Variants in MLLT3 observed in about 807,000 individuals in gnomAD.
MLLT3 encodes the protein MLLT3 super elongation complex subunit.
MLLT3 carries 4 observed loss-of-function variants against 53.2 expected under a neutral mutation model. The ratio of observed to expected loss-of-function variants is 0.08; its 90% CI spans 0.04 to 0.17. The LOEUF (loss-of-function observed/expected upper bound fraction) is 0.17. MLLT3 is among the 10% of genes least tolerant of loss of function. MLLT3 has a pLI of 1.00. For synonymous variants in MLLT3, 283 were observed against 230.6 expected (o/e 1.23, Z -2.06); for missense variants, 569 against 684.0 (o/e 0.83, Z 1.87).
intron 4 of MLLT3, among the ~76,000 whole-genome samples, chr9:20,420,075 A>T (rs573607501): frequency 2.6e-5 from 4 of 151,068 alleles, no homozygotes; most frequent in Admixed American, 2.6e-4. Flanking sequence ...TGGAATAAAA[A>T]TTGGATTATG....
At chr9:20,398,762 T>A (rs1408677202) in intron 5 of MLLT3, among the ~76,000 whole-genome samples, 1 of 152,178 alleles carries the variant, frequency 6.6e-6, no homozygotes, top group Non-Finnish European at 1.5e-5. Flanking sequence ...ATTTGCTTTT[T>A]TAAAATAGAG....
At chr9:20,575,490 C>T (rs1353672916) in intron 2 of MLLT3, among the ~76,000 whole-genome samples, 2 of 152,040 alleles carry the variant, frequency 1.3e-5, no homozygotes, top group Non-Finnish European at 2.9e-5. Flanking sequence ...ATAATGTATA[C>T]ATTCATAATG....
chr9:20,362,798 T>C (rs1821359512), intron 7 of MLLT3: 1 of 150,822 alleles, frequency 6.6e-6, no homozygotes, highest in Admixed American at 6.6e-5. Context: ...ATAAATGTAA[T>C]TGGATTTTAA....
intron 2 of MLLT3, among the ~76,000 whole-genome samples, chr9:20,574,591 C>T (rs1819608895): frequency 6.6e-6 from 1 of 152,130 alleles, no homozygotes; most frequent in African/African-American, 2.4e-5. Flanking sequence ...TGCTTTATTG[C>T]TTAAAAAAAT....
intron 2 of MLLT3, among the ~76,000 whole-genome samples, chr9:20,505,268 T>C (rs1043462184): frequency 6.6e-6 from 1 of 152,254 alleles, no homozygotes; most frequent in African/African-American, 2.4e-5. Flanking sequence ...GCTTGGTTAA[T>C]TTTAAAACAT....
At chr9:20,453,028 C>G (rs1343686775) in intron 3 of MLLT3, among the ~76,000 whole-genome samples, 1 of 152,090 alleles carries the variant, frequency 6.6e-6, no homozygotes, top group African/African-American at 2.4e-5. Flanking sequence ...GGTGCTCTTA[C>G]AAGTTAAATT....
chr9:20,376,726 C>G (rs1052076136), intron 5 of MLLT3, among the ~76,000 whole-genome samples: 2 of 152,126 alleles, frequency 1.3e-5, no homozygotes, highest in Non-Finnish European at 2.9e-5. Context: ...AGCAGAAGAG[C>G]CTCAAGTCTT....
intron 2 of MLLT3, among the ~76,000 whole-genome samples, chr9:20,590,192 G>A (rs1272108673): frequency 6.6e-6 from 1 of 152,088 alleles, no homozygotes; most frequent in Non-Finnish European, 1.5e-5. Context: ...ATTTCAATGG[G>A]CGTCAACTCT....
chr9:20,587,500 C>A (rs1357673068), intron 2 of MLLT3, among the ~76,000 whole-genome samples: 1 of 151,544 alleles, frequency 6.6e-6, no homozygotes, highest in African/African-American at 2.4e-5. Flanking sequence ...ACTCTTTCCA[C>A]TTCACAATAA....
intron 2 of MLLT3, among the ~76,000 whole-genome samples, chr9:20,604,750 T>C (rs192388549): frequency 2.2e-4 from 34 of 152,262 alleles, no homozygotes; most frequent in African/African-American, 6.5e-4. Flanking sequence ...AATGCAGCAC[T>C]GGTCTTTAGT....
At chr9:20,591,685 T>C (rs1820133859) in intron 2 of MLLT3, among the ~76,000 whole-genome samples, 2 of 152,192 alleles carry the variant, frequency 1.3e-5, no homozygotes, top group African/African-American at 4.8e-5. Flanking sequence ...GGGAGCATCT[T>C]GAATATGAAA....
At chr9:20,459,110 C>G (rs755747648) in intron 2 of MLLT3, among the ~76,000 whole-genome samples, 5 of 152,022 alleles carry the variant, frequency 3.3e-5, no homozygotes, top group African/African-American at 1.2e-4. Context: ...GAAACAGAAG[C>G]GCGAGGCATT....
In MLLT3 at chr9:20,343,205, AAAAAAAAAAT is replaced by A. The variant is rs1192584808; in HGVS notation, c.*3228_*3237del. 1 of 124,846 alleles carries A rather than the reference AAAAAAAAAAT, an allele frequency of 8.0e-6. No homozygotes were observed. Among genetic ancestry groups the A allele is most frequent in the Non-Finnish European group, 1.4e-5 (1 of 69,916 alleles). The allele number at this position is 124,846 out of a possible 1,614,324, so 7.7% of individuals were successfully genotyped here. On this transcript the variant is annotated 3_prime_UTR_variant, in exon 11 of 11. Transcript: ENST00000380338. ...CGGCAAAAAAAAAAAAAAAAAAAAAAAAAAAAAAATTTTGAAGAAACTTTTTAGTGGAAGA... is the reference window on the plus strand; with the variant it reads ...CGGCAAAAAAAAAAAAAAAAAAAAAATTTGAAGAAACTTTTTAGTGGAAGA...
intron 5 of MLLT3, among the ~76,000 whole-genome samples, chr9:20,410,229 G>C (rs564025857): frequency 3.3e-5 from 5 of 152,180 alleles, no homozygotes; most frequent in African/African-American, 9.6e-5. Context: ...AAGGACACCA[G>C]AGTTCTGCAA....
chr9:20,416,617 T>G (rs1249711263), intron 4 of MLLT3, among the ~76,000 whole-genome samples: 1 of 152,122 alleles, frequency 6.6e-6, no homozygotes, highest in African/African-American at 2.4e-5. Flanking sequence ...TCTAGAAATA[T>G]GTCTTTTTAT....
intron 2 of MLLT3, among the ~76,000 whole-genome samples, chr9:20,551,136 T>A (rs1168071645): frequency 6.6e-6 from 1 of 152,214 alleles, no homozygotes; most frequent in Non-Finnish European, 1.5e-5. Flanking sequence ...TAGGTCAATA[T>A]GTTGGCTAAA....
intron 4 of MLLT3, among the ~76,000 whole-genome samples, chr9:20,433,402 GAATAAACTTAA>G (rs1823325878): frequency 2.0e-5 from 3 of 151,978 alleles, no homozygotes; most frequent in African/African-American, 7.3e-5. Flanking sequence ...ATAAACATAA[GAATAAACTTAA>G]GTCTGAGGAA....
At position 20,456,850 on chromosome 9, in the gene MLLT3, A is replaced by T. The variant is rs191400517; in HGVS notation, c.194-64T>A. On this transcript the variant is annotated intron_variant, in intron 2 of 10. Transcript: ENST00000380338. ...ATAGACAAAAAGACATTCTTCTTTT[A>T]AAAAAAAAAATCCCATTCTACCATC... 1,064 of 733,312 alleles carry T rather than the reference A, an allele frequency of 1.5e-3. 5 individuals are homozygous for T. In the African/African-American group the frequency reaches 0.016, roughly 11 times the overall value. The allele number at this position is 733,312 out of a possible 1,614,324, so 45.4% of individuals were successfully genotyped here.
intron 4 of MLLT3, among the ~76,000 whole-genome samples, chr9:20,433,623 T>C (rs924429030): frequency 6.6e-6 from 1 of 152,002 alleles, no homozygotes; most frequent in African/African-American, 2.4e-5. Flanking sequence ...CTACCAAAGA[T>C]GCATAACATG....
Sources: gnomAD v4.1 joint callset for allele counts (sites outside exome capture counted in the v4.1 genomes callset) on GRCh38, gnomAD v4.1.1 for gene constraint, MANE v1.5 for transcripts, NCBI Gene and HGNC (gene_info 2026-07-23, HGNC 2026-07-21) for gene names.